The following TRIM55 variants were observed in gnomAD, a reference collection of about 807,000 sequenced individuals.
TRIM55 encodes the protein tripartite motif containing 55.
Under a neutral mutation model 60.9 loss-of-function variants are expected in TRIM55, and 50 were observed. That is an observed-to-expected ratio of 0.82 (90% CI 0.65 to 1.04). The LOEUF (loss-of-function observed/expected upper bound fraction) is 1.04. Ranked by LOEUF, TRIM55 falls within the 50% of genes least tolerant of loss-of-function variation. TRIM55 has a pLI of 0.00. For missense variants in TRIM55, 681 were observed against 666.9 expected, an observed-to-expected ratio of 1.02 and a Z score of -0.23; for synonymous variants, 237 against 238.1, an observed-to-expected ratio of 1.00 and a Z score of 0.04.
the TRIM55 span, among the ~76,000 whole-genome samples, chr8:66,114,217 C>A: frequency 6.6e-6 from 1 of 152,044 alleles, no homozygotes; most frequent in Non-Finnish European, 1.5e-5. Context: ...GTAGAGCGCT[C>A]GCTTAGCATG....
At chr8:66,128,522 G>T (rs772528133) in intron 2 of TRIM55, 46 bp downstream of exon 2, 1 of 1,577,722 alleles carries the variant, frequency 6.3e-7, no homozygotes, top group Non-Finnish European at 8.6e-7. Context: ...TCTGAAACTT[G>T]TTTTTGTTTG....
At chr8:66,167,425 A>G (rs1811387501) in intron 9 of TRIM55, among the ~76,000 whole-genome samples, 1 of 152,188 alleles carries the variant, frequency 6.6e-6, no homozygotes, top group South Asian at 2.1e-4. Flanking sequence ...TGTCAGCTCC[A>G]TATCTGAGAA....
chr8:66,138,464 C>T (rs1262673274), intron 4 of TRIM55, among the ~76,000 whole-genome samples: 3 of 151,926 alleles, frequency 2.0e-5, no homozygotes, highest in Non-Finnish European at 1.5e-5. Context: ...ATCTTGGCTC[C>T]CTGCAACCTC....
In TRIM55 at chr8:66,164,708, G is replaced by A. The variant is rs141441372; in HGVS notation, c.1525-9763G>A. 7.8e-4 allele frequency among the ~76,000 whole-genome samples: 119 copies of A among 152,290 alleles called. 1 individual carries two copies. The highest frequency in any genetic ancestry group is 2.5e-3 in the African/African-American group (103 of 41,546). On this transcript the variant is annotated intron_variant, in intron 9 of 9. Transcript: ENST00000315962. ...TGGCTCTTCACTCTCAAATAGCAGC[G>A]ATGCAGAGGGCAAGGCCAATAGCCT... is the stretch of plus-strand genomic sequence containing the variant.
chr8:66,131,173 C>T (rs1036673678), intron 2 of TRIM55, among the ~76,000 whole-genome samples: 19 of 152,152 alleles, frequency 1.2e-4, no homozygotes, highest in African/African-American at 4.6e-4. Context: ...TTCTTTAATT[C>T]TCACAATAAT....
At position 66,137,108 on chromosome 8, in the gene TRIM55, A is replaced by T. The variant is rs976510295; in HGVS notation, c.521A>T (p.Asp174Val). ...VFQRQKSELS[D>V]GIAILVGSND... Reference sequence around the variant, plus strand: ...TCTCTTCATTAGTCTGAGCTCAGTGATGGCATCGCCATCCTCGTGGGCAGC... The same window carrying T: ...TCTCTTCATTAGTCTGAGCTCAGTGTTGGCATCGCCATCCTCGTGGGCAGC... Residue 174 changes from aspartate (D) to valine (V), a missense_variant, in exon 4 of 10, where the codon GAT (aspartate) becomes GTT (valine). Coordinates refer to ENST00000315962, the MANE Select transcript of TRIM55 (RefSeq NM_184085.2). 2.5e-6 allele frequency: 4 copies of T among 1,614,038 alleles called. No individual in the cohort carries two copies. Among genetic ancestry groups the T allele is most frequent in the Non-Finnish European group, 8.5e-7 (1 of 1,179,956 alleles).
intron 4 of TRIM55, among the ~76,000 whole-genome samples, chr8:66,138,313 T>C (rs1476608739): frequency 1.3e-5 from 2 of 152,246 alleles, no homozygotes; most frequent in Admixed American, 1.3e-4. Flanking sequence ...ACATGTCTTT[T>C]AATTTTATAA....
chr8:66,155,514 T>C (rs1239116674), intron 9 of TRIM55: 2 of 734,578 alleles, frequency 2.7e-6, no homozygotes, highest in Non-Finnish European at 4.5e-6. Context: ...CACTACCCCA[T>C]GAAGAGCACG....
intron 9 of TRIM55, 97 bp downstream of exon 9, chr8:66,154,431 A>T: frequency 7.6e-7 from 1 of 1,314,452 alleles, no homozygotes; most frequent in Non-Finnish European, 1.0e-6. Context: ...TCAAAGGGGC[A>T]GAGAGAAACC....
At chr8:66,120,854 G>C in the TRIM55 span, among the ~76,000 whole-genome samples, 1 of 152,198 alleles carries the variant, frequency 6.6e-6, no homozygotes, top group South Asian at 2.1e-4. Context: ...CCAAACTAAG[G>C]GGGTAGTGGG....
chr8:66,116,637 A>G, the TRIM55 span, among the ~76,000 whole-genome samples: 82 of 71,598 alleles, frequency 1.1e-3, no homozygotes, highest in African/African-American at 2.7e-3. Flanking sequence ...AAGAAAAAAG[A>G]CTGGAAACAT....
intron 7 of TRIM55, among the ~76,000 whole-genome samples, chr8:66,151,126 C>T (rs1810395111): frequency 6.6e-6 from 1 of 152,138 alleles, no homozygotes; most frequent in African/African-American, 2.4e-5. Flanking sequence ...AAAAACAATA[C>T]ATAGGAGGCA....
At chr8:66,139,961 T>C (rs1809712922) in intron 4 of TRIM55, among the ~76,000 whole-genome samples, 1 of 152,224 alleles carries the variant, frequency 6.6e-6, no homozygotes, top group Non-Finnish European at 1.5e-5. Context: ...TATAATATCA[T>C]ATTTTTACTG....
intron 4 of TRIM55, among the ~76,000 whole-genome samples, chr8:66,139,331 G>C (rs1563370519): frequency 6.6e-6 from 1 of 152,166 alleles, no homozygotes; most frequent in East Asian, 1.9e-4. Flanking sequence ...GAATGCACAG[G>C]AGAAGAGTCC....
At chr8:66,114,091 C>CG in the TRIM55 span, among the ~76,000 whole-genome samples, 1 of 137,756 alleles carries the variant, frequency 7.3e-6, no homozygotes. Flanking sequence ...CACCCCCCCC[C>CG]CCATTATTTT....
chr8:66,150,863 G>A (rs1407679344), intron 7 of TRIM55, among the ~76,000 whole-genome samples: 6 of 152,168 alleles, frequency 3.9e-5, no homozygotes, highest in African/African-American at 7.2e-5. Flanking sequence ...GTAGGGTTTC[G>A]CCATGTTGGC....
At chr8:66,114,970 A>G in the TRIM55 span, 1 of 177,188 alleles carries the variant, frequency 5.6e-6, no homozygotes, top group African/African-American at 2.4e-5. Flanking sequence ...CAACAACAAA[A>G]CGAGTAAAAC....
intron 9 of TRIM55, among the ~76,000 whole-genome samples, chr8:66,171,536 T>C (rs1174686034): frequency 6.6e-6 from 1 of 152,222 alleles, no homozygotes; most frequent in Non-Finnish European, 1.5e-5. Flanking sequence ...TTTACCTTTT[T>C]ATACATATCA....
At chr8:66,116,385 T>C in the TRIM55 span, among the ~76,000 whole-genome samples, 1 of 151,852 alleles carries the variant, frequency 6.6e-6, no homozygotes, top group African/African-American at 2.4e-5. Context: ...GGCAGACAGA[T>C]CCCTTGAGCT....
Sources: gnomAD v4.1 joint callset for allele counts (sites outside exome capture counted in the v4.1 genomes callset) on GRCh38, gnomAD v4.1.1 for gene constraint, MANE v1.5 for transcripts, NCBI Gene and HGNC (gene_info 2026-07-23, HGNC 2026-07-21) for gene names.